Variants in ATN1 observed in about 807,000 individuals in gnomAD.
ATN1 encodes atrophin-1.
Under a neutral mutation model 85.8 loss-of-function variants are expected in ATN1, and 19 were observed. The ratio of observed to expected loss-of-function variants is 0.22; its 90% CI spans 0.15 to 0.32. The LOEUF is 0.32. Ranked by LOEUF, ATN1 falls within the 10% of genes least tolerant of loss-of-function variation. The pLI, the probability that ATN1 is intolerant of heterozygous loss-of-function variation, is 1.00. For missense variants in ATN1, 1,453 were observed against 1,564.5 expected (o/e 0.93, Z 1.20); for synonymous variants, 674 against 657.0 (o/e 1.03, Z -0.39).
At position 6,935,661 on chromosome 12, in the gene ATN1, T is replaced by A. The variant is rs1428665630; in HGVS notation, c.394T>A (p.Ser132Thr). ...RDIDQDNRSTSPSIYSPGSVE... is the reference protein window; with the variant it reads ...RDIDQDNRSTTPSIYSPGSVE... ...TATCGACCAGGACAACCGAAGCACG[T>A]CCCCCAGTATCTACAGCCCTGGAAG... The change falls in exon 5 of 10, where the codon TCC becomes ACC. Residue 132 changes from serine to threonine, a missense_variant. Ser to Thr is a moderately conservative substitution (Grantham distance 58, BLOSUM62 1). Around this residue, in one of 6 missense-constraint regions of ATN1, gnomAD observed 6 missense variants for 40.5 expected, o/e 0.15. Transcript: ENST00000396684. The surrounding 1 kb of genome is among the most constrained non-coding windows in gnomAD (Gnocchi z 5.3). 4 of 1,613,694 alleles carry A rather than the reference T, an allele frequency of 2.5e-6. No homozygotes were observed. The African/African-American group carries it at 5.3e-5, about 22-fold the overall frequency.
Position 6,936,256 on chromosome 12 carries a change from C to A in ATN1, c.989C>A (p.Pro330His). The change falls in exon 5 of 10, where the codon CCC (proline) becomes CAC (histidine). Residue 330 changes from proline (P) to histidine (H), a missense_variant. Physicochemically the swap from Pro to His is moderately conservative, Grantham distance 77. Around this residue, in one of 6 missense-constraint regions of ATN1, gnomAD observed 990 missense variants for 914.8 expected, o/e 1.08. Coordinates refer to ENST00000396684, the MANE Select transcript of ATN1 (RefSeq NM_001940.4). ...GCCCAACCACTACCTGGTCATCTGC[C>A]CTCTCCCCACGCCATGGGACAGGGT... ...LGAQPLPGHL[P>H]SPHAMGQGMG... 6.2e-7 allele frequency: 1 copy of A among 1,610,302 alleles called. No homozygotes were observed. The highest frequency in any genetic ancestry group is 1.1e-5 in the South Asian group (1 of 90,732).
Position 6,928,090 on chromosome 12 carries a change from G to T in ATN1, c.-457G>T, listed in dbSNP as rs1945418390. 6.9e-6 allele frequency among the ~76,000 whole-genome samples: 1 copy of T among 144,732 alleles called. No individual in the cohort carries two copies. Among genetic ancestry groups the T allele is most frequent in the Non-Finnish European group, 1.5e-5 (1 of 65,230 alleles). 94.9% of individuals were successfully genotyped at this position (144,732 alleles called of 152,430 possible). A position where few individuals can be genotyped will look rare whatever the true frequency, so the allele number is the denominator to read the frequency against. On this transcript the variant is annotated 5_prime_UTR_variant, in exon 1 of 10. Transcript: ENST00000396684. ...CCGGGCGGCGCGGCGGGGGCGGGCG[G>T]CGCGGCCCGGGGCATTCCGGGCGGC...
chr12:6,935,475 A>T lies in ATN1; in HGVS notation c.280-72A>T. 1 of 1,376,216 alleles carries T rather than the reference A, an allele frequency of 7.3e-7. No homozygotes were observed. Among genetic ancestry groups the T allele is most frequent in the Non-Finnish European group, 9.4e-7 (1 of 1,061,426 alleles). 85.3% of individuals were successfully genotyped at this position (1,376,216 alleles called of 1,614,324 possible). A position where few individuals can be genotyped will look rare whatever the true frequency, so the allele number is the denominator to read the frequency against. ...GTGTGCTGTGAGGGGAAATGATTTT[A>T]TGCAAGAGAGCCCCAAATCTCAGGG... On this transcript the variant is annotated intron_variant, in intron 4 of 9. Transcript: ENST00000396684. This position sits in a 1 kb window ranked among gnomAD's most constrained non-coding sequence, Gnocchi z 5.3.
rs782375290 is a variant in ATN1 at position 6,941,500 on chromosome 12, A to G, written c.3485A>G (p.His1162Arg). 3 of 1,612,810 alleles carry G rather than the reference A, an allele frequency of 1.9e-6. No homozygotes were observed. The change falls in exon 9 of 10, where the codon CAT becomes CGT. Residue 1162 changes from histidine to arginine, a missense_variant. Physicochemically the swap from His to Arg is conservative, Grantham distance 29. Transcript: ENST00000396684. The surrounding 1 kb of genome is among the most constrained non-coding windows in gnomAD (Gnocchi z 5.9). ...RLALEQQQWLHAHHPLHSVPL... is the reference protein window; with the variant it reads ...RLALEQQQWLRAHHPLHSVPL... The stretch of plus-strand genomic sequence containing the variant: ...GCGCTGGAACAGCAGCAGTGGCTGC[A>G]TGCCCATCACCCGCTGCACAGTGTG...
At position 6,937,254 on chromosome 12, in the gene ATN1, C is replaced by T. The variant is rs782162929; in HGVS notation, c.1987C>T (p.Pro663Ser). 4 of 1,611,516 alleles carry T rather than the reference C, an allele frequency of 2.5e-6. No homozygotes were observed. The highest frequency in any genetic ancestry group is 2.7e-5 in the African/African-American group (2 of 75,006). Residue 663 changes from proline to serine, a missense_variant, in exon 5 of 10, where the codon CCC becomes TCC. Pro to Ser is a moderately conservative substitution (Grantham distance 74, BLOSUM62 -1). Coordinates refer to ENST00000396684, the MANE Select transcript of ATN1 (RefSeq NM_001940.4). The surrounding 1 kb of genome is among the most constrained non-coding windows in gnomAD (Gnocchi z 6.0). ...ACCCGGATACAAACCCGGGTCGCCT[C>T]CCTCCTTCCGAACGGGGACCCCACC... ...TPPGYKPGSP[P>S]SFRTGTPPGY...
chr12:6,937,881 C>A lies in ATN1; in HGVS notation c.2331C>A (p.Cys777Ter). The change falls in exon 6 of 10, where the codon TGC becomes TGA. Residue 777 changes from cysteine (C) to a stop codon, truncating the protein, a stop_gained. Coordinates refer to ENST00000396684, the MANE Select transcript of ATN1 (RefSeq NM_001940.4). LOFTEE classifies it high-confidence loss of function. The surrounding 1 kb of genome is among the most constrained non-coding windows in gnomAD (Gnocchi z 6.0). ...NKHLDRGFNS[C>*]ARSDLYFVPL... is the part of the protein sequence containing the mutation. ...ACCTGGATCGCGGCTTCAACTCGTG[C>A]GCGCGCAGCGACCTGTACTTCGTGC... 1 of 1,588,980 alleles carries A rather than the reference C, an allele frequency of 6.3e-7. No individual in the cohort carries two copies. Among genetic ancestry groups the A allele is most frequent in the Non-Finnish European group, 8.6e-7 (1 of 1,168,826 alleles).
At position 6,934,606 on chromosome 12, in the gene ATN1, C is replaced by T; in HGVS notation, c.279+28C>T. Reference sequence around the variant, plus strand: ...GGGAAACCCTTGTCGCCATCCTGACCCATCTTGTGACCATTCTTTTCTCAG... The same window carrying T: ...GGGAAACCCTTGTCGCCATCCTGACTCATCTTGTGACCATTCTTTTCTCAG... On this transcript the variant is annotated intron_variant, in intron 4 of 9. Transcript: ENST00000396684. The surrounding 1 kb of genome is among the most constrained non-coding windows in gnomAD (Gnocchi z 4.5). 1 of 1,480,324 alleles carries T rather than the reference C, an allele frequency of 6.8e-7. No individual in the cohort carries two copies. Among genetic ancestry groups the T allele is most frequent in the South Asian group, 1.2e-5 (1 of 82,572 alleles). 91.7% of individuals were successfully genotyped at this position (1,480,324 alleles called of 1,614,324 possible).
upstream of ATN1, among the ~76,000 whole-genome samples, chr12:6,925,141 T>TGTGTGTGTGTGTGTGAGA (rs1445451270): frequency 6.8e-6 from 1 of 147,556 alleles, no homozygotes; most frequent in Admixed American, 6.7e-5. Context: ...TGTGTGTGTG[T>TGTGTGTGTGTGTGTGAGA]GAGAGAGAGA....
chr12:6,933,929 T>C lies in ATN1; in HGVS notation c.-73T>C, dbSNP rs1261591585. 6 of 1,550,490 alleles carry C rather than the reference T, an allele frequency of 3.9e-6. No homozygotes were observed. Among genetic ancestry groups the C allele is most frequent in the African/African-American group, 2.7e-5 (2 of 73,906 alleles). ...TTCCCAGACCACAGCTGTGGGGAAC[T>C]TGGGGTGGAGCAGAGAAGTTTCTGT... On this transcript the variant is annotated 5_prime_UTR_variant, in exon 2 of 10. Transcript: ENST00000396684.
In ATN1 at chr12:6,942,162, C is replaced by G. The variant is rs1945645988; in HGVS notation, c.*382C>G. The G allele has an allele frequency of 3.6e-6, 1 of 277,336 alleles. No individual in the cohort carries two copies. Among genetic ancestry groups the G allele is most frequent in the Admixed American group, 4.6e-5 (1 of 21,642 alleles). 17.2% of individuals were successfully genotyped at this position (277,336 alleles called of 1,614,324 possible). A position where few individuals can be genotyped will look rare whatever the true frequency, so the allele number is the denominator to read the frequency against. ...TGCGTAGCATCGTGTGCCACCCCTG[C>G]CCCTCCCCGATCCCTGTGTGCGCGC... On this transcript the variant is annotated 3_prime_UTR_variant, in exon 10 of 10. Transcript: ENST00000396684.
At chr12:6,929,775 G>A (rs1456536486) in intron 1 of ATN1, among the ~76,000 whole-genome samples, 1 of 152,236 alleles carries the variant, frequency 6.6e-6, no homozygotes, top group Non-Finnish European at 1.5e-5. Flanking sequence ...AAACGCTTCT[G>A]TTCAGGTTAC....
At chr12:6,925,408 G>A (rs1945390281), upstream of ATN1, among the ~76,000 whole-genome samples, 1 of 152,102 alleles carries the variant, frequency 6.6e-6, no homozygotes, top group South Asian at 2.1e-4. Flanking sequence ...TACAGAAAGA[G>A]AGGAAATGCC....
Position 6,934,876 on chromosome 12 carries a change from TC to T in ATN1, c.279+299del, listed in dbSNP as rs1270413072. On this transcript the variant is annotated intron_variant, in intron 4 of 9. Coordinates refer to ENST00000396684, the MANE Select transcript of ATN1 (RefSeq NM_001940.4). The surrounding 1 kb of genome is among the most constrained non-coding windows in gnomAD (Gnocchi z 4.5). ...TTAAGGAAAATGCAGAAGTGGTCTT[TC>T]TTTTTTATTGTTTTTTTTTGTTTGT... is the stretch of plus-strand genomic sequence containing the variant. 6.6e-6 allele frequency among the ~76,000 whole-genome samples: 1 copy of T among 151,612 alleles called. No homozygotes were observed. The highest frequency in any genetic ancestry group is 1.5e-5 in the Non-Finnish European group (1 of 67,742).
chr12:6,925,583 G>A (rs1945392004), upstream of ATN1, among the ~76,000 whole-genome samples: 1 of 152,156 alleles, frequency 6.6e-6, no homozygotes, highest in East Asian at 1.9e-4. Flanking sequence ...TGCTTGGAGT[G>A]GTAAAGTGAG....
At chr12:6,939,594 C>G (rs782738311) in intron 7 of ATN1, among the ~76,000 whole-genome samples, 3 of 152,120 alleles carry the variant, frequency 2.0e-5, no homozygotes, top group Non-Finnish European at 4.4e-5. Context: ...CTCGACTTCC[C>G]GGTCTCAAGT....
In ATN1 at chr12:6,937,490, G is replaced by T. The variant is rs1945564904; in HGVS notation, c.2223G>T (p.Val741=). The T allele has an allele frequency of 7.1e-6, 11 of 1,544,698 alleles. No individual in the cohort carries two copies. Among genetic ancestry groups the T allele is most frequent in the Non-Finnish European group, 7.8e-6 (9 of 1,146,722 alleles). ...AGTATGAGACCCCCGAGAGCCCGGT[G>T]CCCCCAGCCCGCAGCCCCTCGCCCC... The part of the protein sequence containing the change: ...AEEYETPESP[V]PPARSPSPPP... The change falls in exon 5 of 10, where the codon GTG becomes GTT. Residue 741 remains valine (V), a synonymous_variant. Transcript: ENST00000396684. The surrounding 1 kb of genome is among the most constrained non-coding windows in gnomAD (Gnocchi z 6.0).
In ATN1 at chr12:6,941,675, C is replaced by T. The variant is rs372910453; in HGVS notation, c.3540-72C>T. 5.8e-5 allele frequency: 92 copies of T among 1,590,828 alleles called. No homozygotes were observed. The African/African-American group carries it at 6.3e-4, about 11-fold the overall frequency. ...GGAACCCCTCCTCTCCCAACCCCTT[C>T]GGTAAGAGGGGGCAAGGTCAGAGTT... is the stretch of plus-strand genomic sequence containing the variant. On this transcript the variant is annotated intron_variant, in intron 9 of 9. Transcript: ENST00000396684. The surrounding 1 kb of genome is among the most constrained non-coding windows in gnomAD (Gnocchi z 5.9).
In ATN1 at chr12:6,936,735, CAG is replaced by C; in HGVS notation, c.1469_1470del (p.Gln490ProfsTer33). The part of the protein sequence containing the change: ...HHHHQQQQQQ[Q>X]QQQQQQQQQQ... ...TCACCACCAGCAACAGCAACAGCAG[CAG>C]CAGCAGCAGCAGCAGCAGCAGCAGC... On this transcript the variant is annotated frameshift_variant, in exon 5 of 10. Coordinates refer to ENST00000396684, the MANE Select transcript of ATN1 (RefSeq NM_001940.4). LOFTEE classifies it high-confidence loss of function. The C allele has an allele frequency of 8.5e-6, 7 of 826,234 alleles. No homozygotes were observed. The highest frequency in any genetic ancestry group is 1.1e-5 in the Non-Finnish European group (7 of 621,370). 51.2% of individuals were successfully genotyped at this position (826,234 alleles called of 1,614,324 possible).
chr12:6,933,647 C>G (rs940714706), intron 1 of ATN1, among the ~76,000 whole-genome samples, 193 bp from the exon 2 acceptor site: 1 of 152,172 alleles, frequency 6.6e-6, no homozygotes, highest in Admixed American at 6.5e-5. Flanking sequence ...GATTATACTT[C>G]GAGCAGAATC....
Sources: allele counts gnomAD v4.1 joint callset (sites outside exome capture counted in the v4.1 genomes callset), GRCh38; gene constraint gnomAD v4.1.1; regional missense constraint gnomAD v4.1.1; non-coding constraint Gnocchi (gnomAD v3.1); transcripts MANE v1.5; gene names NCBI Gene and HGNC (gene_info 2026-07-23, HGNC 2026-07-21).